MTTP: variants seen among roughly 807,000 people sequenced by gnomAD.
MTTP encodes microsomal triglyceride transfer protein.
In MTTP, 49 loss-of-function variants were observed where a neutral mutation model predicts 90.6. That is an observed-to-expected ratio of 0.54 (90% CI 0.43 to 0.69). The LOEUF is 0.69. Ranked by LOEUF, MTTP falls within the 30% of genes least tolerant of loss-of-function variation. The probability of loss-of-function intolerance (pLI) is 0.00; values close to 1 mark genes in which losing one functional copy is unlikely to be tolerated. For missense variants in MTTP, 945 were observed against 1,067.5 expected (o/e 0.89, Z 1.60); for synonymous variants, 347 against 384.2 (o/e 0.90, Z 1.13).
Position 99,583,399 on chromosome 4 carries a change from TGAATCAGCAGA to T in MTTP, c.278_288del (p.Asn93ArgfsTer13). The T allele has an allele frequency of 6.2e-7, 1 of 1,613,136 alleles. No individual in the cohort carries two copies. Among genetic ancestry groups the T allele is most frequent in the Non-Finnish European group, 8.5e-7 (1 of 1,179,652 alleles). On this transcript the variant is annotated frameshift_variant, in exon 3 of 18. Coordinates refer to ENST00000265517, the MANE Select transcript of MTTP (RefSeq NM_001386140.1). LOFTEE classifies it high-confidence loss of function. Reference sequence around the variant, plus strand: ...ATGAAGGATGTAAATGTTGAAAATGTGAATCAGCAGAGAGGAGAGAAGAGCATCTTCAAAGG... The same window carrying T: ...ATGAAGGATGTAAATGTTGAAAATGTGAGGAGAGAAGAGCATCTTCAAAGG...
chr4:99,573,882 G>A (rs1485359203), upstream of MTTP, among the ~76,000 whole-genome samples: 1 of 152,106 alleles, frequency 6.6e-6, no homozygotes, highest in East Asian at 1.9e-4. Flanking sequence ...TCATTTTATA[G>A]GTTTAGTAGG....
At chr4:99,589,787 T>C (rs377393249) in intron 4 of MTTP, 37 bp downstream of exon 4, 5 of 1,300,296 alleles carry the variant, frequency 3.8e-6, no homozygotes, top group East Asian at 2.3e-5. Flanking sequence ...AGCATCTCAA[T>C]AAAATTTGTA....
chr4:99,598,653 C>CT (rs745529189), intron 8 of MTTP, among the ~76,000 whole-genome samples: 2,547 of 82,514 alleles, frequency 0.031, 392 homozygotes, highest in African/African-American at 0.086. Flanking sequence ...TCAAGGAAGT[C>CT]TTTTTTTTTT....
At chr4:99,615,112 C>A (rs1272620125) in intron 15 of MTTP, among the ~76,000 whole-genome samples, 1 of 152,166 alleles carries the variant, frequency 6.6e-6, no homozygotes, top group Non-Finnish European at 1.5e-5. Context: ...ATAAACAATG[C>A]CTGAGGATTT....
chr4:99,591,365 C>T lies in MTTP; in HGVS notation c.618+14C>T. 1 of 1,544,666 alleles carries T rather than the reference C, an allele frequency of 6.5e-7. No homozygotes were observed. Among genetic ancestry groups the T allele is most frequent in the African/African-American group, 1.4e-5 (1 of 73,434 alleles). The stretch of plus-strand genomic sequence containing the variant: ...ACCCCAAATCAGGTATGATAGATGT[C>T]ACTTTCTTTGAGGCATTAAAATAAT... On this transcript the variant is annotated intron_variant, in intron 5 of 17. Transcript: ENST00000265517.
rs1169542003 is a variant in MTTP at position 99,589,073 on chromosome 4, AT to A, written c.394-560del. ...CATATATATATTCATATATATATAT[AT>A]TTTTTTTTTACCCAATACCAATATA... is the stretch of plus-strand genomic sequence containing the variant. On this transcript the variant is annotated intron_variant, in intron 3 of 17. Coordinates refer to ENST00000265517, the MANE Select transcript of MTTP (RefSeq NM_001386140.1). 1.9e-3 allele frequency among the ~76,000 whole-genome samples: 7 copies of A among 3,752 alleles called. 2 individuals are homozygous for A. Among genetic ancestry groups the A allele is most frequent in the Admixed American group, 9.9e-3 (3 of 302 alleles). The allele number at this position is 3,752 out of a possible 152,430, so 2.5% of individuals were successfully genotyped here. A position where few individuals can be genotyped will look rare whatever the true frequency, so the allele number is the denominator to read the frequency against.
intron 16 of MTTP, chr4:99,620,849 G>A (rs1174165631): frequency 1.6e-5 from 9 of 577,888 alleles, no homozygotes; most frequent in Admixed American, 3.0e-5. Flanking sequence ...GAGCTCAGGG[G>A]AAGGGCAAAC....
At position 99,591,498 on chromosome 4, in the gene MTTP, A is replaced by C. The variant is rs1295420163; in HGVS notation, c.618+147A>C. The C allele has an allele frequency of 3.7e-6, 4 of 1,076,256 alleles. No homozygotes were observed. The African/African-American group carries it at 4.7e-5, about 13-fold the overall frequency. 66.7% of individuals were successfully genotyped at this position (1,076,256 alleles called of 1,614,324 possible). A position where few individuals can be genotyped will look rare whatever the true frequency, so the allele number is the denominator to read the frequency against. On this transcript the variant is annotated intron_variant, in intron 5 of 17. Coordinates refer to ENST00000265517, the MANE Select transcript of MTTP (RefSeq NM_001386140.1). ...GCTACAAATTCACACATATGTAATG[A>C]ATAGACCCATTTCAATTGTTGTAGG...
intron 4 of MTTP, among the ~76,000 whole-genome samples, chr4:99,590,534 A>T (rs1307951196): frequency 6.6e-6 from 1 of 152,178 alleles, no homozygotes; most frequent in Non-Finnish European, 1.5e-5. Context: ...ACCTGGAGTC[A>T]AGGCTGGAGT....
chr4:99,583,077 AC>A (rs1222425081), intron 2 of MTTP, among the ~76,000 whole-genome samples: 3 of 152,172 alleles, frequency 2.0e-5, no homozygotes, highest in Non-Finnish European at 4.4e-5. Context: ...ACCACAAAAA[AC>A]AAATGAAGAG....
chr4:99,599,823 A>C (rs1725651881), intron 8 of MTTP, among the ~76,000 whole-genome samples: 1 of 152,194 alleles, frequency 6.6e-6, no homozygotes, highest in African/African-American at 2.4e-5. Context: ...TTAAAAGTAT[A>C]AACTACTAAG....
intron 8 of MTTP, among the ~76,000 whole-genome samples, chr4:99,597,964 C>T (rs185320484): frequency 8.5e-5 from 13 of 152,202 alleles, no homozygotes; most frequent in African/African-American, 3.1e-4. Flanking sequence ...CAGTGAAAAA[C>T]AGTCATTAAC....
chr4:99,566,962 TG>T (rs1724716838), intron 1 of MTTP, among the ~76,000 whole-genome samples: 1 of 152,176 alleles, frequency 6.6e-6, no homozygotes, highest in Admixed American at 6.5e-5. Context: ...TGAGGAGATG[TG>T]GAAATAGAGT....
rs1473098671 is a variant in MTTP at position 99,592,215 on chromosome 4, T to C, written c.758+425T>C. Among the ~76,000 whole-genome samples the C allele has an allele frequency of 2.0e-5, 3 of 152,200 alleles. No individual in the cohort carries two copies. The East Asian group carries it at 5.8e-4, about 29-fold the overall frequency. ...GGTACATAAGTGAAATTTGCAGGGC[T>C]GAAAGTTGCTCTGGATGAATCACCA... On this transcript the variant is annotated intron_variant, in intron 6 of 17. Coordinates refer to ENST00000265517, the MANE Select transcript of MTTP (RefSeq NM_001386140.1).
rs142831872 is a variant in MTTP at position 99,622,689 on chromosome 4, A to G, written c.2526A>G (p.Lys842=). The G allele has an allele frequency of 9.9e-6, 16 of 1,614,020 alleles. No homozygotes were observed. Among genetic ancestry groups the G allele is most frequent in the Non-Finnish European group, 1.4e-5 (16 of 1,179,904 alleles). ...TGTTGTTGTACAGGCAATTTGAGAA[A>G]AAGTACGAAAGGCTGTCCACAGGCA... ...KDEAPFRQFE[K]KYERLSTGRG... The change falls in exon 18 of 18, where the codon AAA becomes AAG. Residue 842 remains lysine, a synonymous_variant. Coordinates refer to ENST00000265517, the MANE Select transcript of MTTP (RefSeq NM_001386140.1).
chr4:99,595,002 G>C, intron 7 of MTTP, 119 bp downstream of exon 7: 2 of 1,201,290 alleles, frequency 1.7e-6, no homozygotes, highest in East Asian at 4.8e-5. Context: ...AGCTACCACA[G>C]AGTTGTGATG....
intron 11 of MTTP, among the ~76,000 whole-genome samples, chr4:99,607,755 T>C (rs1725851482): frequency 6.6e-6 from 1 of 152,218 alleles, no homozygotes; most frequent in African/African-American, 2.4e-5. Context: ...TGCTAATGTT[T>C]TGTTTAGAAA....
chr4:99,613,995 TA>T (rs1298345472), intron 15 of MTTP, among the ~76,000 whole-genome samples: 3 of 152,244 alleles, frequency 2.0e-5, no homozygotes, highest in African/African-American at 7.2e-5. Context: ...ATATATTTGC[TA>T]AATAAAATCT....
intron 12 of MTTP, 119 bp from the exon 13 acceptor site, chr4:99,611,024 A>G: frequency 2.0e-6 from 2 of 998,608 alleles, no homozygotes; most frequent in South Asian, 2.7e-5. Flanking sequence ...GCTCTTGGAA[A>G]GGCATGAGGA....
Sources: allele counts gnomAD v4.1 joint callset (sites outside exome capture counted in the v4.1 genomes callset), GRCh38; gene constraint gnomAD v4.1.1; transcripts MANE v1.5; gene names NCBI Gene and HGNC (gene_info 2026-07-23, HGNC 2026-07-21).